ITPKB: variants seen among roughly 807,000 people sequenced by gnomAD.
The protein encoded by ITPKB is inositol-trisphosphate 3-kinase B.
ITPKB carries 13 observed loss-of-function variants against 69.4 expected under a neutral mutation model. That is an observed-to-expected ratio of 0.19 (90% CI 0.12 to 0.30). The LOEUF is 0.30. Among genes scored for constraint, ITPKB ranks in the 10% least tolerant of loss-of-function variants. The pLI is 1.00. For synonymous variants in ITPKB, 584 were observed against 513.7 expected (o/e 1.14, Z -1.85); for missense variants, 1,240 against 1,250.5 (o/e 0.99, Z 0.13).
At chr1:226,644,304 C>CA (rs1471077632) in intron 4 of ITPKB, among the ~76,000 whole-genome samples, 1 of 152,220 alleles carries the variant, frequency 6.6e-6, no homozygotes, top group Non-Finnish European at 1.5e-5. Context: ...CTGCCCGAGA[C>CA]AAAGTCGAAG....
rs1160009083 is a variant in ITPKB at position 226,735,869 on chromosome 1, C to T, written c.1590G>A (p.Gly530=). 6.2e-7 allele frequency: 1 copy of T among 1,607,650 alleles called. No homozygotes were observed. The highest frequency in any genetic ancestry group is 8.5e-7 in the Non-Finnish European group (1 of 1,174,860). The change falls in exon 2 of 8, where the codon GGG becomes GGA. Residue 530 remains glycine, a synonymous_variant. Transcript: ENST00000429204. ...WTRGTGVQSE[G]TWESQRQDSD... ...TGTCCTGCCGCTGGCTTTCCCAAGT[C>T]CCCTCTGATTGCACCCCTGTGCCAC...
At chr1:226,645,057 G>A (rs1464161494) in intron 4 of ITPKB, among the ~76,000 whole-genome samples, 1 of 152,216 alleles carries the variant, frequency 6.6e-6, no homozygotes, top group East Asian at 1.9e-4. Flanking sequence ...GCCTGGCTGG[G>A]TGGCCCTGAT....
rs760515908 is a variant in ITPKB, at chr1:226,637,748, G to A, written c.2556C>T (p.Ile852=). 8 of 1,612,906 alleles carry A rather than the reference G, an allele frequency of 5.0e-6. No homozygotes were observed. Among genetic ancestry groups the A allele is most frequent in the East Asian group, 2.2e-5 (1 of 44,882 alleles). Residue 852 remains isoleucine (I), a splice_region_variant and synonymous_variant, in exon 7 of 8, where the codon ATC becomes ATT. Transcript: ENST00000429204. This position sits in a 1 kb window ranked among gnomAD's most constrained non-coding sequence, Gnocchi z 4.3. ...TGGCCTTCAGCCGGTCCCGATAGGC[G>A]ATCTGGGAATAGAAAGAGGACCAGA... ...EFTKGNHNIL[I]AYRDRLKAIR...
intron 2 of ITPKB, among the ~76,000 whole-genome samples, chr1:226,720,917 C>G (rs1657221378): frequency 6.6e-6 from 1 of 152,048 alleles, no homozygotes; most frequent in African/African-American, 2.4e-5. Context: ...TGGCACCTGT[C>G]TGTAATCCCA....
At chr1:226,727,490 A>G (rs922212823) in intron 2 of ITPKB, among the ~76,000 whole-genome samples, 1 of 152,210 alleles carries the variant, frequency 6.6e-6, no homozygotes, top group Non-Finnish European at 1.5e-5. Flanking sequence ...AGGGAACCAA[A>G]TCCTTCTCGC....
chr1:226,658,055 G>T (rs942892253), intron 2 of ITPKB, among the ~76,000 whole-genome samples: 1 of 152,258 alleles, frequency 6.6e-6, no homozygotes, highest in African/African-American at 2.4e-5. Context: ...TGCCAGGGGA[G>T]AATTTGTTCT....
At position 226,634,875 on chromosome 1, in the gene ITPKB, G is replaced by A; in HGVS notation, c.2637C>T (p.Ser879=). Residue 879 remains serine, a synonymous_variant, in exon 8 of 8, where the codon AGC becomes AGT. Coordinates refer to ENST00000429204, the MANE Select transcript of ITPKB (RefSeq NM_002221.4). This position sits in a 1 kb window ranked among gnomAD's most constrained non-coding sequence, Gnocchi z 6.3. The part of the protein sequence containing the change: ...PFFKCHEVIG[S]SLLFIHDKKE... ...TCTTGTCGTGGATGAAGAGGAGGGAGCTGCCAATGACCTGAGGAGAACATG... is the reference window on the plus strand; with the variant it reads ...TCTTGTCGTGGATGAAGAGGAGGGAACTGCCAATGACCTGAGGAGAACATG... 6.2e-7 allele frequency: 1 copy of A among 1,612,906 alleles called. No individual in the cohort carries two copies. Among genetic ancestry groups the A allele is most frequent in the Non-Finnish European group, 8.5e-7 (1 of 1,179,556 alleles).
intron 2 of ITPKB, among the ~76,000 whole-genome samples, chr1:226,712,191 G>A (rs913507956): frequency 6.6e-6 from 1 of 152,270 alleles, no homozygotes; most frequent in Non-Finnish European, 1.5e-5. Context: ...CCTTCCCACC[G>A]CACGAGAGAT....
intron 2 of ITPKB, among the ~76,000 whole-genome samples, chr1:226,703,870 T>A (rs924033020): frequency 2.1e-4 from 32 of 152,254 alleles, no homozygotes; most frequent in African/African-American, 7.7e-4. Context: ...AGGGTTGAAC[T>A]GTAGGTCAGC....
intron 2 of ITPKB, among the ~76,000 whole-genome samples, chr1:226,698,157 G>A (rs992229589): frequency 6.6e-6 from 1 of 152,016 alleles, no homozygotes; most frequent in Admixed American, 6.5e-5. Context: ...CTTCAGGGCA[G>A]AAGCTCTGTT....
At position 226,736,570 on chromosome 1, in the gene ITPKB, C is replaced by T. The variant is rs139236399; in HGVS notation, c.889G>A (p.Gly297Arg). 2.0e-5 allele frequency: 32 copies of T among 1,613,868 alleles called. No individual in the cohort carries two copies. Among genetic ancestry groups the T allele is most frequent in the African/African-American group, 1.1e-4 (8 of 74,952 alleles). ...TCCGTGGCCATCGTTAAGCTAGCTCCGAACAGCCCCAATGAGGGAGCTAGG... is the reference window on the plus strand; with the variant it reads ...TCCGTGGCCATCGTTAAGCTAGCTCTGAACAGCCCCAATGAGGGAGCTAGG... ...SCLAPSLGLF[G>R]ASLTMATEVA... Residue 297 changes from glycine to arginine, a missense_variant, in exon 2 of 8, where the codon GGA becomes AGA. Coordinates refer to ENST00000429204, the MANE Select transcript of ITPKB (RefSeq NM_002221.4).
intron 2 of ITPKB, among the ~76,000 whole-genome samples, chr1:226,700,584 G>A (rs1362644196): frequency 6.6e-6 from 1 of 151,172 alleles, no homozygotes; most frequent in Non-Finnish European, 1.5e-5. Context: ...ATATATATGT[G>A]AGGCGCTTTA....
rs550958613 is a variant in ITPKB at position 226,637,160 on chromosome 1, C to T, written c.2625+519G>A. ...TCTCACACCCCTCCAGGGAACCTGC[C>T]GACACCTCCCAGAGCCTCTCTCAGG... On this transcript the variant is annotated intron_variant, in intron 7 of 7. Coordinates refer to ENST00000429204, the MANE Select transcript of ITPKB (RefSeq NM_002221.4). The surrounding 1 kb of genome is among the most constrained non-coding windows in gnomAD (Gnocchi z 4.3). Among the ~76,000 whole-genome samples, 199 of 152,254 alleles carry T rather than the reference C, an allele frequency of 1.3e-3. No homozygotes were observed. The highest frequency in any genetic ancestry group is 4.5e-3 in the African/African-American group (188 of 41,536).
chr1:226,698,886 A>G lies in ITPKB; in HGVS notation c.1932+36641T>C, dbSNP rs1324217747. On this transcript the variant is annotated intron_variant, in intron 2 of 7. Transcript: ENST00000429204. The stretch of plus-strand genomic sequence containing the variant: ...GTACCCTCTCCAACCTGTTGCACCT[A>G]TTTGCTTAAAATTAAGAGGGCTGAG... Among the ~76,000 whole-genome samples the G allele has an allele frequency of 8.5e-5, 13 of 152,220 alleles. 1 individual carries two copies. Among genetic ancestry groups the G allele is most frequent in the Admixed American group, 8.5e-4 (13 of 15,282 alleles).
At chr1:226,664,811 A>G (rs1161880406) in intron 2 of ITPKB, among the ~76,000 whole-genome samples, 1 of 152,208 alleles carries the variant, frequency 6.6e-6, no homozygotes, top group Non-Finnish European at 1.5e-5. Flanking sequence ...AGGCGCATGG[A>G]AAGTATTTGC....
At chr1:226,718,722 TG>T (rs1396376983) in intron 2 of ITPKB, among the ~76,000 whole-genome samples, 1 of 152,208 alleles carries the variant, frequency 6.6e-6, no homozygotes, top group Non-Finnish European at 1.5e-5. Flanking sequence ...AATAAAACGC[TG>T]GCAAGGATGT....
In ITPKB at chr1:226,737,108, A is replaced by C; in HGVS notation, c.351T>G (p.Gly117=). 1 of 1,605,502 alleles carries C rather than the reference A, an allele frequency of 6.2e-7. No homozygotes were observed. Among genetic ancestry groups the C allele is most frequent in the South Asian group, 1.1e-5 (1 of 91,068 alleles). Residue 117 remains glycine, a synonymous_variant, in exon 2 of 8, where the codon GGT becomes GGG. Transcript: ENST00000429204. Reference sequence around the variant, plus strand: ...CCTCCGGCCCTGGCGGGGAGAGGGTACCGGCTGCCACCACCTGCTGCCGGT... The same window carrying C: ...CCTCCGGCCCTGGCGGGGAGAGGGTCCCGGCTGCCACCACCTGCTGCCGGT... The part of the protein sequence containing the change: ...RGDRQQVVAA[G]TLSPPGPEEA...
At position 226,737,261 on chromosome 1, in the gene ITPKB, G is replaced by A. The variant is rs1237959681; in HGVS notation, c.198C>T (p.Pro66=). The A allele has an allele frequency of 2.6e-6, 4 of 1,553,126 alleles. No homozygotes were observed. The highest frequency in any genetic ancestry group is 2.6e-6 in the Non-Finnish European group (3 of 1,156,726). ...AGCCCCCGGGGCTCCGGGGCTCCTC[G>A]GGGGACAGCGACTCGGCTGGGGGGA... ...FLFPPAESLS[P]EEPRSPGGWR... Residue 66 remains proline, a synonymous_variant, in exon 2 of 8, where the codon CCC becomes CCT. Coordinates refer to ENST00000429204, the MANE Select transcript of ITPKB (RefSeq NM_002221.4).
chr1:226,717,484 G>A (rs1330979741), intron 2 of ITPKB, among the ~76,000 whole-genome samples: 5 of 152,196 alleles, frequency 3.3e-5, no homozygotes, highest in Admixed American at 6.5e-5. Context: ...CACCAGTGGC[G>A]GAAAGGAAGC....
Sources: gnomAD v4.1 joint callset for allele counts (sites outside exome capture counted in the v4.1 genomes callset) on GRCh38, gnomAD v4.1.1 for gene constraint, Gnocchi (gnomAD v3.1) non-coding constraint, MANE v1.5 for transcripts, NCBI Gene and HGNC (gene_info 2026-07-23, HGNC 2026-07-21) for gene names.